Variants in ZNF469 observed in about 807,000 individuals in gnomAD.
ZNF469 encodes the protein zinc finger protein 469.
A neutral mutation model predicts 1.0 loss-of-function variants in ZNF469; 1 was observed. The ratio of observed to expected loss-of-function variants is 1.00; its 90% confidence interval spans 0.35 to 4.73. ZNF469 has a LOEUF of 4.73. ZNF469 is among the 30% of genes most tolerant of loss of function. ZNF469 has a pLI of 0.16. For synonymous variants in ZNF469, 2,703 were observed against 2,363.4 expected, an observed-to-expected ratio of 1.14 and a Z score of -4.17; for missense variants, 6,100 against 5,356.3, an observed-to-expected ratio of 1.14 and a Z score of -4.33.
the ZNF469 span, among the ~76,000 whole-genome samples, chr16:88,242,820 A>G: frequency 6.6e-6 from 1 of 152,238 alleles, no homozygotes; most frequent in African/African-American, 2.4e-5. Context: ...CATTCCTGTC[A>G]TGGAGGGGAA....
chr16:88,241,325 C>T, the ZNF469 span, among the ~76,000 whole-genome samples: 4 of 151,122 alleles, frequency 2.6e-5, no homozygotes, highest in African/African-American at 9.8e-5. The surrounding 1 kb of genome is among the most constrained non-coding windows in gnomAD (Gnocchi z 4.8). Flanking sequence ...CGCCACTGCA[C>T]TCTAGCCTGG....
chr16:88,200,204 C>T, the ZNF469 span, among the ~76,000 whole-genome samples: 1 of 152,144 alleles, frequency 6.6e-6, no homozygotes, highest in African/African-American at 2.4e-5. Context: ...CAGAAGGCGG[C>T]ATTTGGGGAG....
the ZNF469 span, among the ~76,000 whole-genome samples, chr16:88,132,282 C>G: frequency 6.6e-6 from 1 of 152,256 alleles, no homozygotes; most frequent in Non-Finnish European, 1.5e-5. Flanking sequence ...ACTCGGTGCT[C>G]GGGGACGGAC....
chr16:88,405,148 C>T (rs923540390), intron 1 of ZNF469, among the ~76,000 whole-genome samples: 2 of 152,100 alleles, frequency 1.3e-5, no homozygotes, highest in African/African-American at 4.8e-5. Context: ...AGGCAAGGAA[C>T]AGATGTCCAC....
chr16:88,166,411 C>G, the ZNF469 span, among the ~76,000 whole-genome samples: 2 of 151,978 alleles, frequency 1.3e-5, no homozygotes, highest in African/African-American at 4.8e-5. The surrounding 1 kb of genome is among the most constrained non-coding windows in gnomAD (Gnocchi z 4.5). Flanking sequence ...TCGTTGTTTA[C>G]GTTTTAAGTG....
chr16:88,141,408 C>T, the ZNF469 span, among the ~76,000 whole-genome samples: 1 of 141,612 alleles, frequency 7.1e-6, no homozygotes, highest in East Asian at 2.1e-4. Flanking sequence ...CTATGAAATG[C>T]TCAGCCTGGG....
At chr16:88,317,731 C>T in the ZNF469 span, among the ~76,000 whole-genome samples, 149 of 152,244 alleles carry the variant, frequency 9.8e-4, no homozygotes, top group Non-Finnish European at 1.7e-3. Context: ...GCTTCCCAGA[C>T]GCCTTTCCCT....
At chr16:88,206,712 AC>A in the ZNF469 span, among the ~76,000 whole-genome samples, 1 of 150,064 alleles carries the variant, frequency 6.7e-6, no homozygotes, top group Non-Finnish European at 1.5e-5. Flanking sequence ...GAGGGAACAG[AC>A]CAGTTTGTAG....
At chr16:88,251,726 T>C in the ZNF469 span, among the ~76,000 whole-genome samples, 10 of 151,924 alleles carry the variant, frequency 6.6e-5, no homozygotes, top group African/African-American at 2.4e-4. Flanking sequence ...ACCTGGCTAA[T>C]TTTTGTATTT....
chr16:88,201,275 C>T, the ZNF469 span, among the ~76,000 whole-genome samples: 2 of 152,180 alleles, frequency 1.3e-5, no homozygotes, highest in African/African-American at 4.8e-5. This position sits in a 1 kb window ranked among gnomAD's most constrained non-coding sequence, Gnocchi z 5.0. Flanking sequence ...AAGGGTTGGC[C>T]GGGTGCAGTG....
chr16:88,333,996 CTG>C, the ZNF469 span, among the ~76,000 whole-genome samples: 2 of 145,166 alleles, frequency 1.4e-5, no homozygotes, highest in African/African-American at 5.3e-5. Flanking sequence ...CTGTGTGTGT[CTG>C]TGTCTATGTG....
intron 1 of ZNF469, among the ~76,000 whole-genome samples, chr16:88,410,988 C>T (rs1343609188): frequency 6.6e-6 from 1 of 152,202 alleles, no homozygotes; most frequent in African/African-American, 2.4e-5. Context: ...CTTCACGTGG[C>T]CTCCTCCTGC....
chr16:88,382,821 G>T (rs2092528585), upstream of ZNF469, among the ~76,000 whole-genome samples: 1 of 152,102 alleles, frequency 6.6e-6, no homozygotes, highest in South Asian at 2.1e-4. Context: ...GGTTCAGGGA[G>T]CAATGCCTCA....
At chr16:88,227,435 C>T in the ZNF469 span, among the ~76,000 whole-genome samples, 3 of 152,058 alleles carry the variant, frequency 2.0e-5, no homozygotes, top group Non-Finnish European at 4.4e-5. Flanking sequence ...AGGCCCACAC[C>T]GGCCTCCAGT....
the ZNF469 span, among the ~76,000 whole-genome samples, chr16:88,263,081 T>C: frequency 6.6e-6 from 1 of 152,198 alleles, no homozygotes. Context: ...AAACAAGCTC[T>C]GTATGAGAAC....
chr16:88,176,237 G>A, the ZNF469 span, among the ~76,000 whole-genome samples: 1 of 150,092 alleles, frequency 6.7e-6, no homozygotes. Flanking sequence ...CCAGCCTTCT[G>A]TCCATCATCA....
chr16:88,223,252 C>A, the ZNF469 span, among the ~76,000 whole-genome samples: 1 of 152,216 alleles, frequency 6.6e-6, no homozygotes, highest in Admixed American at 6.5e-5. Flanking sequence ...GTTCTCGTGG[C>A]AGTGAATAAG....
At chr16:88,284,034 A>AGGCTGGTAGACCCCCAGT in the ZNF469 span, among the ~76,000 whole-genome samples, 3 of 40,554 alleles carry the variant, frequency 7.4e-5, no homozygotes, top group African/African-American at 4.3e-4. Context: ...GTGTGTCCGG[A>AGGCTGGTAGACCCCCAGT]GTGCCTGAGG....
At chr16:88,206,095 G>A in the ZNF469 span, among the ~76,000 whole-genome samples, 255 of 152,298 alleles carry the variant, frequency 1.7e-3, no homozygotes, top group African/African-American at 6.0e-3. Flanking sequence ...CTGACCCCCC[G>A]TGTTTTCCAT....
Sources: allele counts gnomAD v4.1 joint callset (sites outside exome capture counted in the v4.1 genomes callset), GRCh38; gene constraint gnomAD v4.1.1; non-coding constraint Gnocchi (gnomAD v3.1); transcripts MANE v1.5; gene names NCBI Gene and HGNC (gene_info 2026-07-23, HGNC 2026-07-21).